Variants in ARHGAP24 observed in about 807,000 individuals in gnomAD.
The protein encoded by ARHGAP24 is Rho GTPase activating protein 24.
ARHGAP24 carries 50 observed loss-of-function variants against 76.4 expected under a neutral mutation model. The observed-to-expected ratio is 0.65, with a 90% CI of 0.52 to 0.83. The LOEUF (loss-of-function observed/expected upper bound fraction) is 0.83. ARHGAP24 is among the 40% of genes least tolerant of loss of function. The probability of loss-of-function intolerance (pLI) is 0.00; values close to 1 mark genes in which losing one functional copy is unlikely to be tolerated. For missense variants in ARHGAP24, 930 were observed against 914.2 expected (o/e 1.02, Z -0.22); for synonymous variants, 345 against 323.3 (o/e 1.07, Z -0.72).
At chr4:85,712,718 T>C (rs997541866) in intron 2 of ARHGAP24, among the ~76,000 whole-genome samples, 2 of 152,136 alleles carry the variant, frequency 1.3e-5, no homozygotes, top group Admixed American at 1.3e-4. Flanking sequence ...ATAAGGACAC[T>C]TTCTACTAGA....
chr4:85,966,709 C>T (rs994465410), intron 5 of ARHGAP24, among the ~76,000 whole-genome samples: 2 of 152,106 alleles, frequency 1.3e-5, no homozygotes, highest in East Asian at 1.9e-4. Context: ...GTTGGAAGTA[C>T]TGCCAAATGC....
intron 3 of ARHGAP24, among the ~76,000 whole-genome samples, chr4:85,797,379 T>A (rs1476923295): frequency 3.3e-5 from 5 of 152,116 alleles, no homozygotes; most frequent in Non-Finnish European, 7.4e-5. Context: ...TTCACCGTGT[T>A]AGCCAGGATG....
Position 85,984,750 on chromosome 4 carries a change from A to G in ARHGAP24, c.928+7059A>G, listed in dbSNP as rs371046148. The stretch of plus-strand genomic sequence containing the variant: ...CCTTATAAACCATTCTGCATTCAGG[A>G]ATCTTTGATAACTATTGAGCAAGAG... On this transcript the variant is annotated intron_variant, in intron 8 of 9. Coordinates refer to ENST00000395184, the MANE Select transcript of ARHGAP24 (RefSeq NM_001025616.3). Among the ~76,000 whole-genome samples, 4 of 152,162 alleles carry G rather than the reference A, an allele frequency of 2.6e-5. No individual in the cohort carries two copies. The East Asian group carries it at 7.7e-4, about 29-fold the overall frequency.
rs141550208 is a variant in ARHGAP24 at position 85,842,466 on chromosome 4, A to G, written c.269-81182A>G. Among the ~76,000 whole-genome samples the G allele has an allele frequency of 3.9e-3, 593 of 152,312 alleles. 8 individuals carry two copies. The highest frequency in any genetic ancestry group is 0.013 in the African/African-American group (539 of 41,574). ...GAAATAAACAGTGTAAAACATTTTT[A>G]TTGTTGTTATTACAGGACAATAAAT... On this transcript the variant is annotated intron_variant, in intron 3 of 9. Coordinates refer to ENST00000395184, the MANE Select transcript of ARHGAP24 (RefSeq NM_001025616.3).
chr4:85,835,208 CTCT>C, intron 3 of ARHGAP24, among the ~76,000 whole-genome samples: 1 of 151,700 alleles, frequency 6.6e-6, no homozygotes, highest in Admixed American at 6.6e-5. Flanking sequence ...GCTTGTTTTT[CTCT>C]TCTTGTATTC....
In ARHGAP24 at chr4:85,704,844, G is replaced by A. The variant is rs1341461012; in HGVS notation, c.181-17041G>A. 3.9e-5 allele frequency among the ~76,000 whole-genome samples: 6 copies of A among 152,130 alleles called. No individual in the cohort carries two copies. In the East Asian group the frequency reaches 9.7e-4, roughly 25 times the overall value. ...TTATTAAAGATTTTTGAATGTATAA[G>A]CAACCAGATAGAATTTTTTTAATGA... On this transcript the variant is annotated intron_variant, in intron 2 of 9. Coordinates refer to ENST00000395184, the MANE Select transcript of ARHGAP24 (RefSeq NM_001025616.3).
At chr4:85,964,232 AT>A (rs1400198059) in intron 5 of ARHGAP24, among the ~76,000 whole-genome samples, 1 of 152,076 alleles carries the variant, frequency 6.6e-6, no homozygotes, top group Non-Finnish European at 1.5e-5. Flanking sequence ...GGACAGTCAA[AT>A]TTAGTTTGAC....
intron 5 of ARHGAP24, among the ~76,000 whole-genome samples, chr4:85,970,091 C>T (rs1028773551): frequency 2.6e-5 from 4 of 152,110 alleles, no homozygotes; most frequent in African/African-American, 9.7e-5. Flanking sequence ...AAATGGAAAA[C>T]CTCAGTCCTT....
intron 2 of ARHGAP24, among the ~76,000 whole-genome samples, chr4:85,664,762 C>G (rs1439554596): frequency 6.6e-6 from 1 of 151,802 alleles, no homozygotes; most frequent in Non-Finnish European, 1.5e-5. Context: ...GCCTTCATTT[C>G]GTTATGTACC....
intron 3 of ARHGAP24, among the ~76,000 whole-genome samples, chr4:85,796,548 A>C (rs1426685889): frequency 6.6e-6 from 1 of 152,192 alleles, no homozygotes; most frequent in Non-Finnish European, 1.5e-5. Context: ...ATGGCGTATC[A>C]ATCTGGGTCC....
intron 3 of ARHGAP24, among the ~76,000 whole-genome samples, chr4:85,725,436 T>G (rs1725133783): frequency 6.6e-6 from 1 of 152,236 alleles, no homozygotes; most frequent in Non-Finnish European, 1.5e-5. Flanking sequence ...AAGACCTCTT[T>G]GTCACTCTAG....
At chr4:85,756,080 T>A (rs1288196383) in intron 3 of ARHGAP24, among the ~76,000 whole-genome samples, 2 of 152,218 alleles carry the variant, frequency 1.3e-5, no homozygotes, top group Admixed American at 6.5e-5. Context: ...ATCAATGTAT[T>A]GTAATGTATG....
intron 2 of ARHGAP24, among the ~76,000 whole-genome samples, chr4:85,717,119 C>T (rs1724763656): frequency 6.6e-6 from 1 of 152,054 alleles, no homozygotes; most frequent in Admixed American, 6.6e-5. Context: ...TAAAATATCA[C>T]ATGGTTTTGG....
intron 3 of ARHGAP24, among the ~76,000 whole-genome samples, chr4:85,840,359 C>G (rs1306870895): frequency 6.6e-6 from 1 of 152,174 alleles, no homozygotes; most frequent in African/African-American, 2.4e-5. Flanking sequence ...CATTTTACAT[C>G]CTGCCTTTAA....
At chr4:85,921,545 T>G (rs913515739) in intron 3 of ARHGAP24, among the ~76,000 whole-genome samples, 5 of 134,078 alleles carry the variant, frequency 3.7e-5, no homozygotes, top group African/African-American at 5.6e-5. Context: ...AAAAGTTTTT[T>G]TAAAAAAAAA....
chr4:85,899,574 A>T (rs1734380812), intron 3 of ARHGAP24, among the ~76,000 whole-genome samples: 1 of 152,230 alleles, frequency 6.6e-6, no homozygotes. Flanking sequence ...ATTGCAATGC[A>T]GCAAAAATTA....
intron 3 of ARHGAP24, among the ~76,000 whole-genome samples, chr4:85,898,830 C>A (rs117916630): frequency 2.0e-5 from 3 of 152,056 alleles, no homozygotes; most frequent in African/African-American, 7.2e-5. Flanking sequence ...CTGCAACTTC[C>A]GCCTCCCGGT....
At chr4:85,505,071 G>T (rs1292225657) in intron 1 of ARHGAP24, among the ~76,000 whole-genome samples, 2 of 152,124 alleles carry the variant, frequency 1.3e-5, no homozygotes, top group African/African-American at 2.4e-5. Context: ...TGGCTTGTAG[G>T]GTTTCTGTGG....
chr4:85,918,648 A>G (rs533842998), intron 3 of ARHGAP24, among the ~76,000 whole-genome samples: 1 of 152,100 alleles, frequency 6.6e-6, no homozygotes, highest in Non-Finnish European at 1.5e-5. Flanking sequence ...TCTAACTTTT[A>G]ATTTTTGTAA....
Sources: allele counts gnomAD v4.1 joint callset (sites outside exome capture counted in the v4.1 genomes callset), GRCh38; gene constraint gnomAD v4.1.1; transcripts MANE v1.5; gene names NCBI Gene and HGNC (gene_info 2026-07-23, HGNC 2026-07-21).